Variants in ATG3 observed in about 807,000 individuals in gnomAD.
The protein encoded by ATG3 is ubiquitin-like-conjugating enzyme ATG3.
ATG3 carries 25 observed loss-of-function variants against 50.7 expected under a neutral mutation model. That is an observed-to-expected ratio of 0.49 (90% confidence interval 0.36 to 0.69). The LOEUF is 0.69. Among genes scored for constraint, ATG3 ranks in the 30% least tolerant of loss-of-function variants. The pLI is 0.00. For synonymous variants in ATG3, 119 were observed against 125.5 expected, an observed-to-expected ratio of 0.95 and a Z score of 0.34; for missense variants, 281 against 376.0, an observed-to-expected ratio of 0.75 and a Z score of 2.09.
chr3:112,557,988 A>T (rs1933735714), intron 2 of ATG3: 1 of 162,764 alleles, frequency 6.1e-6, no homozygotes, highest in Non-Finnish European at 1.3e-5. Context: ...TCTAAGTAGT[A>T]AGCAAAGTTT....
chr3:112,552,918 T>C (rs550925334), intron 3 of ATG3, among the ~76,000 whole-genome samples: 1 of 152,250 alleles, frequency 6.6e-6, no homozygotes, highest in East Asian at 1.9e-4. Context: ...AGTGCTGGGA[T>C]TACAGGTGTG....
intron 2 of ATG3, 38 bp from the exon 3 acceptor site, chr3:112,553,367 A>G (rs775305818): frequency 1.9e-6 from 3 of 1,581,784 alleles, no homozygotes; most frequent in Admixed American, 3.3e-5. Flanking sequence ...AAAAAGGAAA[A>G]AGAAAAATCA....
intron 9 of ATG3, among the ~76,000 whole-genome samples, chr3:112,536,952 A>G (rs1576713772): frequency 8.7e-6 from 1 of 114,788 alleles, no homozygotes; most frequent in African/African-American, 3.3e-5. Flanking sequence ...AAAAAAAAAA[A>G]AAAAAAAAAA....
chr3:112,545,020 A>C (rs74402396), intron 5 of ATG3, among the ~76,000 whole-genome samples: 1,738 of 152,312 alleles, frequency 0.011, 27 homozygotes, highest in African/African-American at 0.036. Context: ...TAGGATACCC[A>C]AAGGTAGTAA....
intron 6 of ATG3, 37 bp downstream of exon 6, chr3:112,544,020 C>T: frequency 6.9e-7 from 1 of 1,456,844 alleles, no homozygotes; most frequent in Middle Eastern, 1.7e-4. Flanking sequence ...CAAATAACTA[C>T]TCATTAAATT....
intron 7 of ATG3, among the ~76,000 whole-genome samples, chr3:112,539,113 A>T (rs1253120820): frequency 2.6e-5 from 4 of 152,178 alleles, no homozygotes; most frequent in African/African-American, 9.6e-5. Flanking sequence ...CCCTAGCCCA[A>T]GCCACCATCA....
intron 3 of ATG3, 72 bp downstream of exon 3, chr3:112,553,208 A>G (rs957418235): frequency 1.5e-6 from 2 of 1,291,670 alleles, no homozygotes; most frequent in Non-Finnish European, 1.1e-6. Context: ...CCATTAACCT[A>G]TTTTGCAAAT....
intron 6 of ATG3, 118 bp from the exon 7 acceptor site, chr3:112,542,002 G>C (rs532003344): frequency 7.1e-6 from 5 of 700,486 alleles, no homozygotes; most frequent in Non-Finnish European, 1.1e-5. Context: ...GGCAGTTCTT[G>C]TCCACAAAAA....
intron 8 of ATG3, 87 bp downstream of exon 8, chr3:112,538,059 T>G (rs1933121283): frequency 7.9e-7 from 1 of 1,265,220 alleles, no homozygotes; most frequent in Non-Finnish European, 1.1e-6. Context: ...TTAGAATGTC[T>G]TTGAAAGATC....
chr3:112,543,275 A>G (rs1933282612), intron 6 of ATG3, among the ~76,000 whole-genome samples: 1 of 152,098 alleles, frequency 6.6e-6, no homozygotes, highest in Admixed American at 6.5e-5. Context: ...AAAGCATTTT[A>G]TATTATTTTT....
chr3:112,553,300 G>A lies in ATG3; in HGVS notation c.144C>T (p.His48=). The A allele has an allele frequency of 1.2e-6, 2 of 1,611,570 alleles. No homozygotes were observed. Among genetic ancestry groups the A allele is most frequent in the Non-Finnish European group, 1.7e-6 (2 of 1,177,800 alleles). Residue 48 remains histidine, a synonymous_variant, in exon 3 of 12, where the codon CAC becomes CAT. Coordinates refer to ENST00000283290, the MANE Select transcript of ATG3 (RefSeq NM_022488.5). ...EFVAAGDHLV[H]HCPTWQWATG... is the part of the protein sequence containing the mutation. ...CTTACCATTGCCATGTTGGACAGTGGTGGACTAGGTGATCTCCAGCTGCCA... is the reference window on the plus strand; with the variant it reads ...CTTACCATTGCCATGTTGGACAGTGATGGACTAGGTGATCTCCAGCTGCCA...
chr3:112,561,197 G>A (rs181182357), intron 1 of ATG3, among the ~76,000 whole-genome samples: 4 of 152,284 alleles, frequency 2.6e-5, no homozygotes, highest in African/African-American at 7.2e-5. Context: ...CCAACCCGAC[G>A]TACCCGACCG....
intron 3 of ATG3, among the ~76,000 whole-genome samples, chr3:112,551,279 T>A (rs543505716): frequency 6.6e-6 from 1 of 152,372 alleles, no homozygotes; most frequent in African/African-American, 2.4e-5. Context: ...CCTTCTAGAC[T>A]TCTTTTGACT....
chr3:112,533,096 T>G (rs569212383), intron 11 of ATG3: 2 of 1,005,056 alleles, frequency 2.0e-6, no homozygotes, highest in African/African-American at 3.5e-5. Context: ...ACTCATTTAC[T>G]AGACTCCTTT....
At chr3:112,553,062 T>C (rs1933570677) in intron 3 of ATG3, among the ~76,000 whole-genome samples, 1 of 152,204 alleles carries the variant, frequency 6.6e-6, no homozygotes, top group African/African-American at 2.4e-5. Flanking sequence ...TTTCTCAAAT[T>C]AGTCCATCAT....
At chr3:112,537,454 C>T (rs1933101546) in intron 9 of ATG3, 1 of 220,902 alleles carries the variant, frequency 4.5e-6, no homozygotes, top group African/African-American at 2.3e-5. Flanking sequence ...ATAAAATAAA[C>T]CAAGTTAAAT....
intron 5 of ATG3, among the ~76,000 whole-genome samples, chr3:112,544,803 C>T (rs1367725455): frequency 6.6e-6 from 1 of 151,934 alleles, no homozygotes; most frequent in African/African-American, 2.4e-5. Context: ...TGCTTGGGAC[C>T]AGAAGTATTT....
At chr3:112,550,118 A>C in intron 4 of ATG3, 74 bp downstream of exon 4, 1 of 1,109,996 alleles carries the variant, frequency 9.0e-7, no homozygotes, top group Admixed American at 2.4e-5. Context: ...ATTTTCAAGC[A>C]ATAGAAAAAC....
chr3:112,555,816 T>G (rs564879656), intron 2 of ATG3, among the ~76,000 whole-genome samples: 1 of 152,364 alleles, frequency 6.6e-6, no homozygotes, highest in South Asian at 2.1e-4. Flanking sequence ...AATTTGGCCT[T>G]GGATTTTTTT....
Sources: allele counts gnomAD v4.1 joint callset (sites outside exome capture counted in the v4.1 genomes callset), GRCh38; gene constraint gnomAD v4.1.1; transcripts MANE v1.5; gene names NCBI Gene and HGNC (gene_info 2026-07-23, HGNC 2026-07-21).